The following SEPTIN2 variants were observed in gnomAD, a reference collection of about 807,000 sequenced individuals.
SEPTIN2 encodes the protein septin-2.
Under a neutral mutation model 46.5 loss-of-function variants are expected in SEPTIN2, and 34 were observed. That is an observed-to-expected ratio of 0.73 (90% confidence interval 0.56 to 0.97). The LOEUF is 0.97. Among genes scored for constraint, SEPTIN2 ranks in the 50% least tolerant of loss-of-function variants. SEPTIN2 has a pLI of 0.00. For synonymous variants in SEPTIN2, 175 were observed against 153.4 expected (o/e 1.14, Z -1.04); for missense variants, 347 against 448.4 (o/e 0.77, Z 2.04).
In SEPTIN2 at chr2:241,347,668, A is replaced by G. The variant is rs117853924; in HGVS notation, c.927-466A>G. On this transcript the variant is annotated intron_variant, in intron 10 of 12. Coordinates refer to ENST00000391971, the MANE Select transcript of SEPTIN2 (RefSeq NM_004404.5). ...AAAAGTCTCTTGAATGTTCCATTTC[A>G]TGTTGTTCGAACTTTTTAAAATCAT... is the stretch of plus-strand genomic sequence containing the variant. Among the ~76,000 whole-genome samples, 92 of 152,302 alleles carry G rather than the reference A, an allele frequency of 6.0e-4. No homozygotes were observed. In the East Asian group the frequency reaches 0.014, roughly 24 times the overall value.
At position 241,317,413 on chromosome 2, in the gene SEPTIN2, A is replaced by T. The variant is rs1055515434; in HGVS notation, c.-18+1431A>T. 3.8e-5 allele frequency: 13 copies of T among 344,646 alleles called. No homozygotes were observed. In the South Asian group the frequency reaches 1.5e-3, roughly 40 times the overall value. 21.3% of individuals were successfully genotyped at this position (344,646 alleles called of 1,614,324 possible). A position where few individuals can be genotyped will look rare whatever the true frequency, so the allele number is the denominator to read the frequency against. ...TTACATTCTGACTGGCTCTTAAACTAGCAAGGTGACCTAGGGAAAGGGGCC... is the reference window on the plus strand; with the variant it reads ...TTACATTCTGACTGGCTCTTAAACTTGCAAGGTGACCTAGGGAAAGGGGCC... On this transcript the variant is annotated intron_variant, in intron 1 of 12. Transcript: ENST00000391971.
intron 10 of SEPTIN2, 22 bp from the exon 11 acceptor site, chr2:241,348,112 T>C (rs2060436774): frequency 6.2e-7 from 1 of 1,602,338 alleles, no homozygotes; most frequent in Admixed American, 1.7e-5. Context: ...GTGTTATGAT[T>C]CTGATTTCTT....
At chr2:241,316,745 T>G (rs571101702) in intron 1 of SEPTIN2, 3 of 440,524 alleles carry the variant, frequency 6.8e-6, no homozygotes, top group South Asian at 8.3e-5. Context: ...CCAGACCTTG[T>G]CCTCTCTCCA....
chr2:241,333,041 T>G (rs1291869501), intron 3 of SEPTIN2, among the ~76,000 whole-genome samples: 2 of 152,336 alleles, frequency 1.3e-5, no homozygotes, highest in East Asian at 3.9e-4. Flanking sequence ...GGAGTTTGAT[T>G]ATCTGAGTAT....
chr2:241,338,300 G>C (rs62193172), intron 7 of SEPTIN2, among the ~76,000 whole-genome samples: 25,444 of 151,924 alleles, frequency 0.17, 2,517 homozygotes, highest in East Asian at 0.4. Flanking sequence ...CCTCTTTATT[G>C]ATTCTCTGCT....
chr2:241,324,185 T>A, intron 1 of SEPTIN2, 31 bp from the exon 2 acceptor site: 6 of 1,605,910 alleles, frequency 3.7e-6, no homozygotes, highest in Non-Finnish European at 5.1e-6. Flanking sequence ...TATGTGCGTT[T>A]ATGTGTGTCT....
Position 241,343,045 on chromosome 2 carries a change from A to C in SEPTIN2, c.648A>C (p.Ala216=). The change falls in exon 8 of 13, where the codon GCA becomes GCC. Residue 216 remains alanine (A), a synonymous_variant. Transcript: ENST00000391971. The stretch of plus-strand genomic sequence containing the variant: ...TCAAAATCTATCACTTACCTGATGC[A>C]GAATCAGATGAAGATGAAGATTTTA... ...HNIKIYHLPD[A]ESDEDEDFKE... 1.9e-6 allele frequency: 3 copies of C among 1,611,444 alleles called. No individual in the cohort carries two copies. Among genetic ancestry groups the C allele is most frequent in the Non-Finnish European group, 2.5e-6 (3 of 1,177,834 alleles).
intron 11 of SEPTIN2, among the ~76,000 whole-genome samples, chr2:241,348,501 G>T (rs1403929807): frequency 1.3e-5 from 2 of 152,190 alleles, no homozygotes; most frequent in Admixed American, 1.3e-4. Context: ...AAAGTGCTGG[G>T]ATTACAGGTG....
chr2:241,320,543 C>T (rs1419810516), intron 1 of SEPTIN2, among the ~76,000 whole-genome samples: 1 of 152,148 alleles, frequency 6.6e-6, no homozygotes, highest in Non-Finnish European at 1.5e-5. Flanking sequence ...CCGGTAATCC[C>T]AGCACTTTGG....
chr2:241,337,186 A>G (rs531672549), intron 5 of SEPTIN2, 196 bp from the exon 6 acceptor site: 2 of 545,972 alleles, frequency 3.7e-6, no homozygotes, highest in Non-Finnish European at 6.4e-6. Context: ...GACTCTCAGC[A>G]CTTAGGGGCA....
chr2:241,332,674 G>C (rs565136002), intron 3 of SEPTIN2, among the ~76,000 whole-genome samples: 9 of 152,330 alleles, frequency 5.9e-5, no homozygotes, highest in African/African-American at 2.2e-4. Context: ...ATTTGTATAT[G>C]AATATTCATA....
At chr2:241,343,703 T>C (rs776087753) in intron 8 of SEPTIN2, 49 bp from the exon 9 acceptor site, 2 of 1,607,612 alleles carry the variant, frequency 1.2e-6, no homozygotes, top group South Asian at 2.2e-5. Context: ...GCCAGTGAAC[T>C]CTGGGGTTCC....
chr2:241,339,005 TATTATATTTATAC>T (rs1470170589), intron 7 of SEPTIN2, among the ~76,000 whole-genome samples: 3 of 114,752 alleles, frequency 2.6e-5, no homozygotes, highest in Admixed American at 2.5e-4. Context: ...TATATATAAA[TATTATATTTATAC>T]ATTATATTTA....
chr2:241,342,203 T>C (rs1347526794), intron 7 of SEPTIN2, among the ~76,000 whole-genome samples: 1 of 152,196 alleles, frequency 6.6e-6, no homozygotes, highest in Non-Finnish European at 1.5e-5. Flanking sequence ...ATGCACCCCA[T>C]GTGTCCTCTC....
intron 3 of SEPTIN2, among the ~76,000 whole-genome samples, chr2:241,327,868 C>T (rs909155011): frequency 4.0e-5 from 6 of 150,988 alleles, no homozygotes. Context: ...TCAAGAGCAA[C>T]ATGGTGAAAC....
chr2:241,336,229 C>G (rs945568644), intron 5 of SEPTIN2, 131 bp downstream of exon 5: 1 of 959,012 alleles, frequency 1.0e-6, no homozygotes, highest in Non-Finnish European at 1.5e-6. Context: ...CAATTTAAAG[C>G]GTGTTAAATG....
intron 1 of SEPTIN2, chr2:241,320,366 A>G: frequency 4.4e-6 from 2 of 459,746 alleles, no homozygotes; most frequent in Admixed American, 4.9e-5. Context: ...GGTAATTTAC[A>G]GTGCCCATTT....
At chr2:241,316,787 C>G in intron 1 of SEPTIN2, 1 of 390,770 alleles carries the variant, frequency 2.6e-6, no homozygotes. Flanking sequence ...CACTGAACTT[C>G]TTGTAGTTCA....
At chr2:241,328,849 C>T (rs80016451) in intron 3 of SEPTIN2, among the ~76,000 whole-genome samples, 22,834 of 151,382 alleles carry the variant, frequency 0.15, 2,326 homozygotes, top group Admixed American at 0.34. Context: ...GGAGAAACCC[C>T]ATCTCTAGTA....
Sources: gnomAD v4.1 joint callset for allele counts (sites outside exome capture counted in the v4.1 genomes callset) on GRCh38, gnomAD v4.1.1 for gene constraint, MANE v1.5 for transcripts, NCBI Gene and HGNC (gene_info 2026-07-23, HGNC 2026-07-21) for gene names.